Variants in CTNNA3 observed in about 807,000 individuals in gnomAD.
The protein encoded by CTNNA3 is catenin alpha-3.
In CTNNA3, 76 loss-of-function variants were observed where a neutral mutation model predicts 95.7. The ratio of observed to expected loss-of-function variants is 0.79; its 90% CI spans 0.66 to 0.96. The LOEUF (loss-of-function observed/expected upper bound fraction) is 0.96. Among genes scored for constraint, CTNNA3 ranks in the 40% least tolerant of loss-of-function variants. CTNNA3 has a pLI of 0.00. For synonymous variants in CTNNA3, 431 were observed against 374.4 expected (o/e 1.15, Z -1.74); for missense variants, 1,191 against 1,089.8 (o/e 1.09, Z -1.31).
chr10:67,566,075 A>ACATATATATATATATAC (rs1156404935), intron 3 of CTNNA3, among the ~76,000 whole-genome samples: 1 of 100,202 alleles, frequency 1.0e-5, no homozygotes, highest in East Asian at 3.1e-4. Flanking sequence ...ATATATATAC[A>ACATATATATATATATAC]AAACCTAGGC....
At chr10:67,116,556 G>C (rs12269143) in intron 7 of CTNNA3, among the ~76,000 whole-genome samples, 2 of 151,056 alleles carry the variant, frequency 1.3e-5, no homozygotes, top group African/African-American at 4.9e-5. Context: ...TCAGATATCT[G>C]TGAGGGAGTT....
chr10:67,317,462 TG>T (rs954936599), intron 5 of CTNNA3, among the ~76,000 whole-genome samples: 4 of 147,448 alleles, frequency 2.7e-5, no homozygotes, highest in African/African-American at 7.4e-5. Flanking sequence ...AGTCTCTCCC[TG>T]TCGCCAGGCT....
At position 66,443,988 on chromosome 10, in the gene CTNNA3, T is replaced by A. The variant is rs368713456; in HGVS notation, c.1532-64636A>T. Among the ~76,000 whole-genome samples, 8 of 152,148 alleles carry A rather than the reference T, an allele frequency of 5.3e-5. No individual in the cohort carries two copies. The South Asian group carries it at 1.2e-3, about 24-fold the overall frequency. On this transcript the variant is annotated intron_variant, in intron 11 of 17. Transcript: ENST00000433211. ...GCAGAGAAGTCCTTAAAGGAGCTGA[T>A]GGAGTTGAAAGCCAAGGCTCAAGAA...
chr10:67,444,521 G>T (rs1035678463), intron 5 of CTNNA3, among the ~76,000 whole-genome samples: 3 of 151,924 alleles, frequency 2.0e-5, no homozygotes, highest in African/African-American at 7.2e-5. Flanking sequence ...CCCAAAATTA[G>T]TAGAAGAAAA....
chr10:67,691,847 A>G (rs1840863866), intron 1 of CTNNA3, among the ~76,000 whole-genome samples: 1 of 141,370 alleles, frequency 7.1e-6, no homozygotes, highest in Non-Finnish European at 1.5e-5. Context: ...GGAAGTGAGG[A>G]GCCCCTCTGC....
chr10:66,540,453 T>G (rs994948758), intron 10 of CTNNA3, among the ~76,000 whole-genome samples: 3 of 152,138 alleles, frequency 2.0e-5, no homozygotes. Context: ...ACTTGCCACA[T>G]GTATCTGCTA....
intron 11 of CTNNA3, among the ~76,000 whole-genome samples, chr10:66,405,915 C>G (rs142746755): frequency 4.0e-4 from 61 of 152,226 alleles, no homozygotes; most frequent in African/African-American, 1.1e-3. Flanking sequence ...TACTGACTAC[C>G]AGGGTGGAAA....
chr10:66,612,908 G>T (rs559781134), intron 10 of CTNNA3, among the ~76,000 whole-genome samples: 2 of 151,780 alleles, frequency 1.3e-5, no homozygotes, highest in Non-Finnish European at 2.9e-5. Flanking sequence ...CATTTCCACC[G>T]ATTCCTCCCA....
chr10:67,501,429 T>A (rs190573364), intron 5 of CTNNA3, among the ~76,000 whole-genome samples: 1 of 152,132 alleles, frequency 6.6e-6, no homozygotes, highest in Non-Finnish European at 1.5e-5. Flanking sequence ...ATGAATCTGA[T>A]GATTATGTGT....
intron 7 of CTNNA3, among the ~76,000 whole-genome samples, chr10:67,055,225 TAA>T (rs766830369): frequency 5.3e-5 from 8 of 152,190 alleles, no homozygotes; most frequent in Non-Finnish European, 8.8e-5. Flanking sequence ...ACATGGAACA[TAA>T]GTTTGTTTTT....
chr10:66,001,095 A>G (rs1449659580), intron 15 of CTNNA3, among the ~76,000 whole-genome samples: 1 of 152,110 alleles, frequency 6.6e-6, no homozygotes, highest in Admixed American at 6.6e-5. Context: ...AGCCTCAAGG[A>G]ATACAGCCTA....
chr10:66,011,339 T>C (rs2133392960), intron 15 of CTNNA3, among the ~76,000 whole-genome samples: 1 of 152,246 alleles, frequency 6.6e-6, no homozygotes, highest in South Asian at 2.1e-4. Context: ...TCTTTGTCTC[T>C]TCTCTTTCTC....
Position 67,005,687 on chromosome 10 carries a change from T to TTTTTTGTTTGTTTG in CTNNA3, c.1047+174629_1047+174630insCAAACAAACAAAAA, listed in dbSNP as rs1554895955. 3.6e-4 allele frequency among the ~76,000 whole-genome samples: 37 copies of TTTTTTGTTTGTTTG among 102,322 alleles called. 1 individual carries two copies. The highest frequency in any genetic ancestry group is 1.1e-3 in the African/African-American group (35 of 32,448). 67.1% of individuals were successfully genotyped at this position (102,322 alleles called of 152,430 possible). On this transcript the variant is annotated intron_variant, in intron 7 of 17. Transcript: ENST00000433211. ...TTTTGTTTATTTTACTCCATCTTTTTTTTTTTTTTTTTTTTTGAGACGGAG... is the reference window on the plus strand; with the variant it reads ...TTTTGTTTATTTTACTCCATCTTTTTTTTTTGTTTGTTTGTTTTTTTTTTTTTTTTGAGACGGAG...
At chr10:67,060,493 T>C (rs937632863) in intron 7 of CTNNA3, among the ~76,000 whole-genome samples, 2 of 152,214 alleles carry the variant, frequency 1.3e-5, no homozygotes, top group Non-Finnish European at 2.9e-5. Flanking sequence ...GCCATGCTCA[T>C]CAAATATTCC....
intron 7 of CTNNA3, among the ~76,000 whole-genome samples, chr10:67,078,772 C>T (rs1037212370): frequency 2.0e-5 from 3 of 152,030 alleles, no homozygotes; most frequent in Middle Eastern, 3.2e-3. Flanking sequence ...CACCTCGGCC[C>T]CCCAACGTGC....
intron 11 of CTNNA3, among the ~76,000 whole-genome samples, chr10:66,515,142 T>C (rs1270935091): frequency 6.6e-6 from 1 of 151,896 alleles, no homozygotes; most frequent in Non-Finnish European, 1.5e-5. Context: ...TCCTTTACCA[T>C]TGATTTTAAA....
At chr10:66,491,701 T>C (rs1285661951) in intron 11 of CTNNA3, among the ~76,000 whole-genome samples, 1 of 152,130 alleles carries the variant, frequency 6.6e-6, no homozygotes, top group Non-Finnish European at 1.5e-5. Context: ...GGAATTAAAA[T>C]AGGATTTCAA....
chr10:65,972,904 G>GGA (rs1554823442), intron 16 of CTNNA3, among the ~76,000 whole-genome samples: 2 of 140,136 alleles, frequency 1.4e-5, no homozygotes, highest in African/African-American at 2.6e-5. Context: ...TCCTAAGGGG[G>GGA]AAAAAAAAAA....
intron 15 of CTNNA3, among the ~76,000 whole-genome samples, chr10:66,011,887 C>T (rs1038008537): frequency 2.6e-5 from 4 of 152,106 alleles, no homozygotes; most frequent in Admixed American, 6.6e-5. Context: ...ATTTGTTATG[C>T]GTGTGGCACT....
Sources: allele counts gnomAD v4.1 joint callset (sites outside exome capture counted in the v4.1 genomes callset), GRCh38; gene constraint gnomAD v4.1.1; transcripts MANE v1.5; gene names NCBI Gene and HGNC (gene_info 2026-07-23, HGNC 2026-07-21).